The following SPMIP2 variants were observed in gnomAD, a reference collection of about 807,000 sequenced individuals.
SPMIP2 encodes sperm microtubule inner protein 2.
At chr4:158,987,675 T>A in the SPMIP2 span, among the ~76,000 whole-genome samples, 1 of 152,146 alleles carries the variant, frequency 6.6e-6, no homozygotes, top group Non-Finnish European at 1.5e-5. Context: ...CTATACCTAA[T>A]GCTAAATGAC....
chr4:158,903,311 T>G, the SPMIP2 span, among the ~76,000 whole-genome samples: 1 of 152,132 alleles, frequency 6.6e-6, no homozygotes, highest in African/African-American at 2.4e-5. Flanking sequence ...CTGCACCCAG[T>G]GTCCAGCCAC....
the SPMIP2 span, among the ~76,000 whole-genome samples, chr4:159,029,403 T>C: frequency 8.8e-4 from 134 of 152,344 alleles, no homozygotes; most frequent in Middle Eastern, 3.4e-3. Context: ...TAAAATGTTA[T>C]CAAGCTAAAG....
At chr4:159,062,445 A>G in the SPMIP2 span, among the ~76,000 whole-genome samples, 1 of 152,180 alleles carries the variant, frequency 6.6e-6, no homozygotes, top group Non-Finnish European at 1.5e-5. Context: ...TTCAGGTAAG[A>G]TAATTGACTC....
the SPMIP2 span, among the ~76,000 whole-genome samples, chr4:158,909,798 T>C: frequency 6.6e-6 from 1 of 152,190 alleles, no homozygotes; most frequent in Non-Finnish European, 1.5e-5. Flanking sequence ...ATCCCAACAC[T>C]TTGGGAGGCT....
At chr4:158,989,654 G>C in the SPMIP2 span, among the ~76,000 whole-genome samples, 1 of 152,172 alleles carries the variant, frequency 6.6e-6, no homozygotes, top group Non-Finnish European at 1.5e-5. Context: ...TTAATAAATG[G>C]TGTTGGGAAA....
the SPMIP2 span, among the ~76,000 whole-genome samples, chr4:159,078,375 C>G: frequency 6.6e-6 from 1 of 152,282 alleles, no homozygotes; most frequent in African/African-American, 2.4e-5. Context: ...TAGTTCTACA[C>G]CAAGTTTCTG....
At chr4:159,075,301 C>A in the SPMIP2 span, among the ~76,000 whole-genome samples, 1 of 152,116 alleles carries the variant, frequency 6.6e-6, no homozygotes, top group Non-Finnish European at 1.5e-5. Flanking sequence ...ACCGAATATT[C>A]AATTTAGTCA....
the SPMIP2 span, among the ~76,000 whole-genome samples, chr4:158,931,900 G>T: frequency 6.6e-6 from 1 of 151,252 alleles, no homozygotes; most frequent in Non-Finnish European, 1.5e-5. Context: ...TCTTTTTATT[G>T]ATACCCTCTG....
the SPMIP2 span, among the ~76,000 whole-genome samples, chr4:159,029,883 T>C: frequency 6.6e-6 from 1 of 152,198 alleles, no homozygotes; most frequent in Non-Finnish European, 1.5e-5. Context: ...TGGCACTCAA[T>C]TTGTTAAATT....
At chr4:158,937,868 C>T in the SPMIP2 span, among the ~76,000 whole-genome samples, 2 of 152,126 alleles carry the variant, frequency 1.3e-5, no homozygotes, top group African/African-American at 2.4e-5. Flanking sequence ...TATTTGATGA[C>T]AATAAATTCC....
chr4:158,959,769 T>C, the SPMIP2 span, among the ~76,000 whole-genome samples: 1 of 152,170 alleles, frequency 6.6e-6, no homozygotes, highest in Non-Finnish European at 1.5e-5. Context: ...TCCTGTAATT[T>C]AACATGCTGT....
the SPMIP2 span, among the ~76,000 whole-genome samples, chr4:158,961,564 A>G: frequency 6.6e-6 from 1 of 152,076 alleles, no homozygotes; most frequent in Non-Finnish European, 1.5e-5. Context: ...ATTCCATTGA[A>G]TTTTATTATC....
chr4:158,920,787 C>G, the SPMIP2 span, among the ~76,000 whole-genome samples: 6 of 152,346 alleles, frequency 3.9e-5, no homozygotes, highest in African/African-American at 1.2e-4. Flanking sequence ...AGCAGTAGTT[C>G]TGCTTTTGCC....
the SPMIP2 span, among the ~76,000 whole-genome samples, chr4:159,016,580 G>A: frequency 6.6e-6 from 1 of 152,066 alleles, no homozygotes; most frequent in Admixed American, 6.5e-5. Context: ...TCTCTCTTAG[G>A]GAGGCTTTCT....
chr4:158,944,389 C>T, the SPMIP2 span, among the ~76,000 whole-genome samples: 2 of 152,164 alleles, frequency 1.3e-5, no homozygotes, highest in Admixed American at 1.3e-4. Flanking sequence ...CGGTGAACCT[C>T]AGCCCCCCAG....
the SPMIP2 span, among the ~76,000 whole-genome samples, chr4:158,963,892 T>C: frequency 6.6e-6 from 1 of 152,072 alleles, no homozygotes; most frequent in African/African-American, 2.4e-5. Flanking sequence ...CCGAGTACGG[T>C]GGCTCACGCC....
the SPMIP2 span, among the ~76,000 whole-genome samples, chr4:158,980,831 G>A: frequency 2.6e-5 from 4 of 152,130 alleles, no homozygotes; most frequent in Admixed American, 2.0e-4. Flanking sequence ...CCTTGCCAGC[G>A]AGGGAACAAA....
chr4:159,019,255 A>G, the SPMIP2 span, among the ~76,000 whole-genome samples: 1 of 150,628 alleles, frequency 6.6e-6, no homozygotes, highest in Non-Finnish European at 1.5e-5. Flanking sequence ...CAGATGCTGG[A>G]GAACAAGCAA....
At chr4:159,012,277 G>A in the SPMIP2 span, among the ~76,000 whole-genome samples, 1 of 152,096 alleles carries the variant, frequency 6.6e-6, no homozygotes, top group Non-Finnish European at 1.5e-5. Flanking sequence ...TTAGCACAGA[G>A]TATTGGCACT....
Sources: gnomAD v4.1 joint callset for allele counts (sites outside exome capture counted in the v4.1 genomes callset) on GRCh38, gnomAD v4.1.1 for gene constraint, MANE v1.5 for transcripts, NCBI Gene and HGNC (gene_info 2026-07-23, HGNC 2026-07-21) for gene names.